The following ADGRD1 variants were observed in gnomAD, a reference collection of about 807,000 sequenced individuals.
ADGRD1 encodes adhesion G protein-coupled receptor D1, also known as G-protein coupled receptor 133.
ADGRD1 carries 77 observed loss-of-function variants against 113.4 expected under a neutral mutation model. The ratio of observed to expected loss-of-function variants is 0.68; its 90% CI spans 0.57 to 0.82. ADGRD1 has a LOEUF of 0.82. ADGRD1 is among the 40% of genes least tolerant of loss of function. The probability of loss-of-function intolerance (pLI) is 0.00; values close to 1 mark genes in which losing one functional copy is unlikely to be tolerated. For missense variants in ADGRD1, 1,036 were observed against 1,139.1 expected (o/e 0.91, Z 1.30); for synonymous variants, 474 against 475.0 (o/e 1.00, Z 0.03).
In ADGRD1 at chr12:130,966,659, G is replaced by A. The variant is rs745860954; in HGVS notation, c.187+113G>A. ...AATCCCAGGGCCATTGGGGGACGTG[G>A]GTGCTGAGAGTGACTGTGGGCCGGG... On this transcript the variant is annotated intron_variant, in intron 3 of 24. Coordinates refer to ENST00000261654, the MANE Select transcript of ADGRD1 (RefSeq NM_198827.5). This position sits in a 1 kb window ranked among gnomAD's most constrained non-coding sequence, Gnocchi z 4.6. The A allele has an allele frequency of 1.6e-5, 12 of 727,616 alleles. No individual in the cohort carries two copies. Among genetic ancestry groups the A allele is most frequent in the Non-Finnish European group, 2.5e-5 (10 of 397,312 alleles). 45.1% of individuals were successfully genotyped at this position (727,616 alleles called of 1,614,324 possible).
intron 3 of ADGRD1, chr12:130,969,809 G>A (rs190258968): frequency 6.6e-6 from 1 of 152,322 alleles, no homozygotes; most frequent in African/African-American, 2.4e-5. Context: ...TGCACTAGAA[G>A]GTATATATAT....
In ADGRD1 at chr12:131,009,530, A is replaced by G. The variant is rs1274552739; in HGVS notation, c.1331+3483A>G. On this transcript the variant is annotated intron_variant, in intron 12 of 24. Coordinates refer to ENST00000261654, the MANE Select transcript of ADGRD1 (RefSeq NM_198827.5). ...AGTGTGATCATTGTTTGATGGTTAT[A>G]TAGGAGGCAGTCTCCATTTTTAGGA... Among the ~76,000 whole-genome samples the G allele has an allele frequency of 2.6e-5, 4 of 152,288 alleles. No individual in the cohort carries two copies. In the East Asian group the frequency reaches 7.7e-4, roughly 29 times the overall value.
chr12:131,032,016 C>T (rs1880819223), intron 13 of ADGRD1, among the ~76,000 whole-genome samples: 1 of 152,206 alleles, frequency 6.6e-6, no homozygotes, highest in Non-Finnish European at 1.5e-5. Flanking sequence ...ACCCTTGGCT[C>T]TGGGGTTCCT....
intron 16 of ADGRD1, among the ~76,000 whole-genome samples, chr12:131,105,340 G>A (rs778177946): frequency 2.6e-5 from 4 of 152,258 alleles, no homozygotes; most frequent in Admixed American, 6.5e-5. Context: ...GGCAGAGAGC[G>A]AGGGGTGCAG....
At chr12:131,046,388 TC>T (rs1192091840) in intron 13 of ADGRD1, among the ~76,000 whole-genome samples, 1 of 53,444 alleles carries the variant, frequency 1.9e-5, no homozygotes, top group Non-Finnish European at 3.8e-5. Flanking sequence ...CTGGTCAGTG[TC>T]CTCCCTGGTC....
chr12:131,098,144 C>T (rs1477463867), intron 15 of ADGRD1, among the ~76,000 whole-genome samples: 3 of 133,192 alleles, frequency 2.3e-5, no homozygotes, highest in Non-Finnish European at 5.2e-5. Flanking sequence ...GCGGTGGCCG[C>T]TGTCTGGGCC....
intron 7 of ADGRD1, 84 bp from the exon 8 acceptor site, chr12:130,992,153 G>A (rs1270245000): frequency 9.3e-6 from 9 of 968,816 alleles, no homozygotes; most frequent in South Asian, 5.6e-5. Flanking sequence ...AAAAGCATTC[G>A]ACCCAGAGTA....
At chr12:130,970,775 G>T (rs1040540660) in intron 3 of ADGRD1, 1 of 152,494 alleles carries the variant, frequency 6.6e-6, no homozygotes, top group Admixed American at 6.5e-5. Flanking sequence ...GATTGGACGG[G>T]GCAGTGCCCC....
chr12:131,076,611 G>A (rs935391995), intron 13 of ADGRD1, among the ~76,000 whole-genome samples, 190 bp from the exon 14 acceptor site: 2 of 152,056 alleles, frequency 1.3e-5, no homozygotes, highest in Non-Finnish European at 2.9e-5. Flanking sequence ...GGAGGGCAGA[G>A]CAGAGGGCAG....
chr12:131,000,289 T>TA (rs1357281726), intron 8 of ADGRD1, 94 bp from the exon 9 acceptor site: 4 of 904,742 alleles, frequency 4.4e-6, no homozygotes, highest in African/African-American at 3.3e-5. Context: ...TGGTGGTTGA[T>TA]AGAGACCCAT....
intron 14 of ADGRD1, among the ~76,000 whole-genome samples, chr12:131,080,019 G>GT (rs1425367915): frequency 6.6e-6 from 1 of 151,954 alleles, no homozygotes; most frequent in Non-Finnish European, 1.5e-5. Context: ...CTTTCTTTGA[G>GT]TTTAATTTGC....
chr12:131,051,046 C>T (rs1883335440), intron 13 of ADGRD1, among the ~76,000 whole-genome samples: 1 of 152,198 alleles, frequency 6.6e-6, no homozygotes, highest in Non-Finnish European at 1.5e-5. Flanking sequence ...ACACCGCCCG[C>T]ATGATCCAGT....
chr12:131,115,391 G>A (rs192821822), intron 18 of ADGRD1, among the ~76,000 whole-genome samples: 2 of 152,256 alleles, frequency 1.3e-5, no homozygotes, highest in East Asian at 1.9e-4. Context: ...GAGGGGCAGG[G>A]GTGTGGACCT....
intron 6 of ADGRD1, chr12:130,987,699 C>T (rs753015590): frequency 2.8e-5 from 9 of 321,514 alleles, no homozygotes; most frequent in African/African-American, 4.2e-5. Flanking sequence ...GGGGATGGGC[C>T]CTTGGAAAGC....
At chr12:131,063,283 C>T (rs12813569) in intron 13 of ADGRD1, among the ~76,000 whole-genome samples, 13,611 of 152,226 alleles carry the variant, frequency 0.089, 831 homozygotes, top group Non-Finnish European at 0.13. Flanking sequence ...GAGTTTTTCA[C>T]AAAGCTGAAG....
chr12:130,979,103 C>T lies in ADGRD1; in HGVS notation c.311-2781C>T, dbSNP rs544953896. ...TGCCAGCCAGGTCTGGGGACACCAG[C>T]GTCAGCTGCCCCAGGCCTCTGTGCA... On this transcript the variant is annotated intron_variant, in intron 4 of 24. Coordinates refer to ENST00000261654, the MANE Select transcript of ADGRD1 (RefSeq NM_198827.5). Among the ~76,000 whole-genome samples the T allele has an allele frequency of 2.6e-5, 4 of 152,306 alleles. No individual in the cohort carries two copies. The South Asian group carries it at 6.2e-4, about 24-fold the overall frequency.
chr12:131,136,589 C>T (rs1345810657), intron 22 of ADGRD1, among the ~76,000 whole-genome samples: 1 of 152,230 alleles, frequency 6.6e-6, no homozygotes, highest in Non-Finnish European at 1.5e-5. Flanking sequence ...CAAGGAAGGG[C>T]AGGCATGGGT....
At chr12:130,963,553 T>A (rs1223704203) in intron 2 of ADGRD1, among the ~76,000 whole-genome samples, 1 of 152,182 alleles carries the variant, frequency 6.6e-6, no homozygotes, top group Admixed American at 6.5e-5. Flanking sequence ...GTGTACACAT[T>A]TTTATCATCT....
chr12:131,114,093 T>C (rs902474451), intron 18 of ADGRD1, among the ~76,000 whole-genome samples: 20 of 151,948 alleles, frequency 1.3e-4, no homozygotes, highest in African/African-American at 4.4e-4. Context: ...GTGAGAGCAA[T>C]GTATGTAGCG....
Sources: gnomAD v4.1 joint callset for allele counts (sites outside exome capture counted in the v4.1 genomes callset) on GRCh38, gnomAD v4.1.1 for gene constraint, Gnocchi (gnomAD v3.1) non-coding constraint, MANE v1.5 for transcripts, NCBI Gene and HGNC (gene_info 2026-07-23, HGNC 2026-07-21) for gene names.